The following ALG1L2 variants were observed in gnomAD, a reference collection of about 807,000 sequenced individuals.
ALG1L2 encodes the protein putative glycosyltransferase ALG1L2.
A neutral mutation model predicts 29.0 loss-of-function variants in ALG1L2; 32 were observed. The ratio of observed to expected loss-of-function variants is 1.10; its 90% CI spans 0.83 to 1.48. The LOEUF is 1.48. Ranked by LOEUF, ALG1L2 falls within the 40% of genes most tolerant of loss-of-function variation. The pLI, the probability that ALG1L2 is intolerant of heterozygous loss-of-function variation, is 0.00. For synonymous variants in ALG1L2, 110 were observed against 109.5 expected (o/e 1.00, Z -0.03); for missense variants, 318 against 274.1 (o/e 1.16, Z -1.13).
At chr3:130,094,266 G>T (rs928694983) in intron 4 of ALG1L2, 137 bp from the exon 5 acceptor site, 2 of 1,127,116 alleles carry the variant, frequency 1.8e-6, no homozygotes, top group Non-Finnish European at 2.6e-6. Flanking sequence ...GAAAGGCCCA[G>T]ATAGGGCCTG....
chr3:130,096,819 C>T (rs1577330991), intron 6 of ALG1L2, among the ~76,000 whole-genome samples: 2 of 152,316 alleles, frequency 1.3e-5, no homozygotes, highest in East Asian at 1.9e-4. Context: ...CTAGAAAAGT[C>T]ATCTTTTATG....
At chr3:130,088,002 C>T (rs1393277907) in intron 1 of ALG1L2, among the ~76,000 whole-genome samples, 1 of 152,304 alleles carries the variant, frequency 6.6e-6, no homozygotes, top group Non-Finnish European at 1.5e-5. Flanking sequence ...ATTGGGTTGA[C>T]AGGAAAGTTC....
chr3:130,087,785 G>GTA lies in ALG1L2; in HGVS notation c.21-3476_21-3475insTA, dbSNP rs1559785555. Among the ~76,000 whole-genome samples, 2 of 129,904 alleles carry GTA rather than the reference G, an allele frequency of 1.5e-5. 1 individual carries two copies. Among genetic ancestry groups the GTA allele is most frequent in the Non-Finnish European group, 3.6e-5 (2 of 56,276 alleles). The allele number at this position is 129,904 out of a possible 152,430, so 85.2% of individuals were successfully genotyped here. ...TTAATAATTAAATGAATGAAAAAGTGCAATGTTTCTGCAGGTGTCGACCTT... is the reference window on the plus strand; with the variant it reads ...TTAATAATTAAATGAATGAAAAAGTGTACAATGTTTCTGCAGGTGTCGACCTT... On this transcript the variant is annotated intron_variant, in intron 1 of 7. Coordinates refer to ENST00000425059, the MANE Select transcript of ALG1L2 (RefSeq NM_001136152.1).
In ALG1L2 at chr3:130,098,210, C is replaced by G. The variant is rs1413720898; in HGVS notation, c.616-13C>G. The G allele has an allele frequency of 6.3e-7, 1 of 1,596,370 alleles. No homozygotes were observed. Among genetic ancestry groups the G allele is most frequent in the Non-Finnish European group, 8.5e-7 (1 of 1,179,750 alleles). On this transcript the variant is annotated splice_polypyrimidine_tract_variant and intron_variant, in intron 7 of 7. Transcript: ENST00000425059. ...GGGTGGGGACAGGCAATGAGGTAAG[C>G]TCTGCTCTTCAGTATTTTGCAGATG...
rs565582232 is a variant in ALG1L2 at position 130,096,493 on chromosome 3, C to G, written c.539+330C>G. Reference sequence around the variant, plus strand: ...CAGAACTTCACTCGGGGCTTTTGCTCCTAGAGTAGAATTGGCGGGAATTGC... The same window carrying G: ...CAGAACTTCACTCGGGGCTTTTGCTGCTAGAGTAGAATTGGCGGGAATTGC... On this transcript the variant is annotated intron_variant, in intron 6 of 7. Coordinates refer to ENST00000425059, the MANE Select transcript of ALG1L2 (RefSeq NM_001136152.1). Among the ~76,000 whole-genome samples, 7 of 151,804 alleles carry G rather than the reference C, an allele frequency of 4.6e-5. No homozygotes were observed. The South Asian group carries it at 1.5e-3, about 32-fold the overall frequency.
intron 4 of ALG1L2, chr3:130,094,137 C>T: frequency 2.0e-6 from 1 of 503,348 alleles, no homozygotes; most frequent in Non-Finnish European, 3.6e-6. Flanking sequence ...GCGTGCCAGG[C>T]CAGTGCTTAC....
At chr3:130,097,595 G>A (rs1935171715) in intron 7 of ALG1L2, among the ~76,000 whole-genome samples, 1 of 152,196 alleles carries the variant, frequency 6.6e-6, no homozygotes, top group African/African-American at 2.4e-5. Flanking sequence ...TTGAAAGATG[G>A]GTGGAATTCT....
Position 130,092,185 on chromosome 3 carries a change from G to A in ALG1L2, c.216G>A (p.Glu72=). ...SGSGLVTRLH[E]RPALLVSSTS... ...GCGGGCTGGTGACGCGTCTCCACGA[G>A]CGGCCAGCCCTGCTGGTCAGCAGCA... The change falls in exon 3 of 8, where the codon GAG becomes GAA. Residue 72 remains glutamate (E), a synonymous_variant. Coordinates refer to ENST00000425059, the MANE Select transcript of ALG1L2 (RefSeq NM_001136152.1). 6.2e-7 allele frequency: 1 copy of A among 1,612,416 alleles called. No homozygotes were observed. Among genetic ancestry groups the A allele is most frequent in the Non-Finnish European group, 8.5e-7 (1 of 1,179,576 alleles).
At chr3:130,084,581 T>A (rs1411941705) in intron 1 of ALG1L2, among the ~76,000 whole-genome samples, 1 of 131,376 alleles carries the variant, frequency 7.6e-6, no homozygotes, top group African/African-American at 2.6e-5. Context: ...GAAGATTAAA[T>A]GAAGAGTTTA....
At chr3:130,090,031 A>T (rs915978498) in intron 1 of ALG1L2, among the ~76,000 whole-genome samples, 12 of 1,728 alleles carry the variant, frequency 6.9e-3, no homozygotes, top group Admixed American at 0.011. Context: ...GACAAAAGTG[A>T]AAAATCCATC....
chr3:130,092,007 G>T (rs747577717), intron 2 of ALG1L2, 94 bp from the exon 3 acceptor site: 1 of 1,569,834 alleles, frequency 6.4e-7, no homozygotes, highest in Non-Finnish European at 8.6e-7. Flanking sequence ...CCCAACCGTT[G>T]GGAGCCTGCA....
At chr3:130,091,147 G>C in intron 1 of ALG1L2, 114 bp from the exon 2 acceptor site, 1 of 934,004 alleles carries the variant, frequency 1.1e-6, no homozygotes, top group Admixed American at 2.3e-5. Context: ...AGGAAATAAA[G>C]GTTGTTTTGC....
intron 1 of ALG1L2, among the ~76,000 whole-genome samples, chr3:130,085,641 C>T (rs1376042743): frequency 2.0e-5 from 3 of 151,638 alleles, no homozygotes; most frequent in African/African-American, 7.2e-5. Context: ...AAATATGTCA[C>T]ATTTTGAGGT....
chr3:130,089,128 G>T (rs1398306250), intron 1 of ALG1L2, among the ~76,000 whole-genome samples: 2 of 152,398 alleles, frequency 1.3e-5, no homozygotes, highest in South Asian at 4.1e-4. Context: ...GAGGGTTCTT[G>T]GGAAAGGGGC....
intron 5 of ALG1L2, among the ~76,000 whole-genome samples, chr3:130,094,879 C>T (rs1935097453): frequency 6.6e-6 from 1 of 152,216 alleles, no homozygotes; most frequent in Admixed American, 6.5e-5. Flanking sequence ...AGCGTCGCCT[C>T]ACCAGTGAGA....
intron 5 of ALG1L2, 78 bp from the exon 6 acceptor site, chr3:130,095,971 G>A (rs1299903096): frequency 3.4e-5 from 50 of 1,459,522 alleles, no homozygotes; most frequent in Non-Finnish European, 1.9e-6. Context: ...CTCGGGGGGT[G>A]TTGCCTCACT....
chr3:130,086,941 G>T (rs1168413485), intron 1 of ALG1L2, among the ~76,000 whole-genome samples: 1 of 151,318 alleles, frequency 6.6e-6, no homozygotes, highest in Non-Finnish European at 1.5e-5. Flanking sequence ...TTGGTGGTGC[G>T]TTCCCCACAC....
Position 130,097,110 on chromosome 3 carries a change from T to G in ALG1L2, c.540-65T>G. 2.5e-6 allele frequency: 4 copies of G among 1,595,514 alleles called. No homozygotes were observed. In the East Asian group the frequency reaches 6.7e-5, roughly 27 times the overall value. ...AGCGTGGGGTGGGTGGGAGCCCAGC[T>G]GGGCACCCCAGGGGTCTAGTGTCTT... is the stretch of plus-strand genomic sequence containing the variant. On this transcript the variant is annotated intron_variant, in intron 6 of 7. Coordinates refer to ENST00000425059, the MANE Select transcript of ALG1L2 (RefSeq NM_001136152.1).
chr3:130,093,276 T>G (rs1935059825), intron 4 of ALG1L2, 116 bp downstream of exon 4: 1 of 1,279,108 alleles, frequency 7.8e-7, no homozygotes, highest in Non-Finnish European at 1.1e-6. Context: ...ACTGCAGCTC[T>G]CTGCCATAGG....
Sources: gnomAD v4.1 joint callset for allele counts (sites outside exome capture counted in the v4.1 genomes callset) on GRCh38, gnomAD v4.1.1 for gene constraint, MANE v1.5 for transcripts, NCBI Gene and HGNC (gene_info 2026-07-23, HGNC 2026-07-21) for gene names.